The following AP1B1 variants were observed in gnomAD, a reference collection of about 807,000 sequenced individuals.
AP1B1 encodes the protein AP-1 complex subunit beta-1.
In AP1B1, 36 loss-of-function variants were observed where a neutral mutation model predicts 104.3. The ratio of observed to expected loss-of-function variants is 0.35; its 90% CI spans 0.26 to 0.46. AP1B1 has a LOEUF of 0.46. AP1B1 is among the 20% of genes least tolerant of loss of function. AP1B1 has a pLI of 1.00. For synonymous variants in AP1B1, 504 were observed against 517.5 expected (o/e 0.97, Z 0.35); for missense variants, 901 against 1,247.9 (o/e 0.72, Z 4.19).
At chr22:29,374,174 C>A (rs1167619228) in intron 1 of AP1B1, among the ~76,000 whole-genome samples, 1 of 152,042 alleles carries the variant, frequency 6.6e-6, no homozygotes, top group Non-Finnish European at 1.5e-5. Context: ...TGCACTCCAG[C>A]CTGGGCAACA....
chr22:29,341,395 A>G, intron 13 of AP1B1, 106 bp downstream of exon 13: 1 of 1,422,754 alleles, frequency 7.0e-7, no homozygotes, highest in Non-Finnish European at 9.5e-7. Flanking sequence ...AGTTTTCCTC[A>G]GACTCAGGTC....
chr22:29,331,953 A>C, intron 17 of AP1B1, 37 bp from the exon 18 acceptor site: 4 of 1,583,564 alleles, frequency 2.5e-6, no homozygotes, highest in Non-Finnish European at 3.4e-6. Context: ...TGGCAGGGGG[A>C]GTAGGTGCTG....
chr22:29,376,886 C>A (rs1177785573), intron 1 of AP1B1, among the ~76,000 whole-genome samples: 1 of 152,134 alleles, frequency 6.6e-6, no homozygotes, highest in African/African-American at 2.4e-5. Context: ...CCTCATTTGT[C>A]TGACAATCTC....
intron 10 of AP1B1, 102 bp downstream of exon 10, chr22:29,349,933 C>A: frequency 1.1e-6 from 1 of 935,512 alleles, no homozygotes. Flanking sequence ...ACGCTTGTGG[C>A]CAAGAAGTAA....
chr22:29,334,526 A>C, intron 16 of AP1B1, 116 bp from the exon 17 acceptor site: 1 of 1,169,126 alleles, frequency 8.6e-7, no homozygotes, highest in Non-Finnish European at 1.2e-6. Flanking sequence ...TCCCAGATCC[A>C]GCACCCCCAC....
rs1164623051 is a variant in AP1B1, at chr22:29,383,658, G to A, written c.-28+4766C>T. Among the ~76,000 whole-genome samples, 12 of 140,672 alleles carry A rather than the reference G, an allele frequency of 8.5e-5. No individual in the cohort carries two copies. The Admixed American group carries it at 9.1e-4, about 11-fold the overall frequency. The allele number at this position is 140,672 out of a possible 152,430, so 92.3% of individuals were successfully genotyped here. On this transcript the variant is annotated intron_variant, in intron 1 of 22. Coordinates refer to ENST00000357586, the MANE Select transcript of AP1B1 (RefSeq NM_001127.4). ...TGGGAGGCAGAGCTTGCAGTGAGCC[G>A]AGATCACGCCACTGCACTCCAGACT...
In AP1B1 at chr22:29,359,752, G is replaced by A. The variant is rs556043481; in HGVS notation, c.279+72C>T. The A allele has an allele frequency of 6.2e-4, 953 of 1,542,198 alleles. 15 individuals carry two copies. The South Asian group carries it at 0.011, about 18-fold the overall frequency. On this transcript the variant is annotated intron_variant, in intron 4 of 22. Coordinates refer to ENST00000357586, the MANE Select transcript of AP1B1 (RefSeq NM_001127.4). The stretch of plus-strand genomic sequence containing the variant: ...ACTCCATCCAGTGCCACAGGGCCCC[G>A]CCCCAAAGAGACTGAGGGGAGACAG...
intron 6 of AP1B1, 65 bp from the exon 7 acceptor site, chr22:29,354,936 A>G: frequency 6.9e-7 from 1 of 1,447,962 alleles, no homozygotes. Context: ...GTTTTTAGTT[A>G]CCAAAATAGC....
intron 11 of AP1B1, among the ~76,000 whole-genome samples, chr22:29,344,354 C>T (rs984589588): frequency 1.3e-5 from 2 of 151,944 alleles, no homozygotes; most frequent in Non-Finnish European, 2.9e-5. Flanking sequence ...CCTGGCTCAA[C>T]AATCCGTTCC....
rs2061501630 is a variant in AP1B1, at chr22:29,327,807, G to A, written c.*1014C>T. 6.6e-6 allele frequency: 1 copy of A among 152,144 alleles called. No homozygotes were observed. The highest frequency in any genetic ancestry group is 2.1e-4 in the South Asian group (1 of 4,828). 9.4% of individuals were successfully genotyped at this position (152,144 alleles called of 1,614,324 possible). On this transcript the variant is annotated 3_prime_UTR_variant, in exon 23 of 23. Transcript: ENST00000357586. The stretch of plus-strand genomic sequence containing the variant: ...AGAAAACCATCCCCAACCACTCGGA[G>A]GCAGCTTTCAATCCTGACATTCGGT...
chr22:29,351,645 C>CTGG lies in AP1B1; in HGVS notation c.1059+57_1059+59dup, dbSNP rs1326384728. ...GGTCACCTGGGCCAGAGCCTACAGT[C>CTGG]TGGTGGTGGTGGAATGGTCCCACAC... On this transcript the variant is annotated intron_variant, in intron 8 of 22. Coordinates refer to ENST00000357586, the MANE Select transcript of AP1B1 (RefSeq NM_001127.4). 1.9e-6 allele frequency: 3 copies of CTGG among 1,596,868 alleles called. No individual in the cohort carries two copies. In the African/African-American group the frequency reaches 4.0e-5, roughly 21 times the overall value.
At chr22:29,360,191 A>G (rs1050337836) in intron 3 of AP1B1, among the ~76,000 whole-genome samples, 54 of 152,328 alleles carry the variant, frequency 3.5e-4, no homozygotes, top group African/African-American at 1.3e-3. Flanking sequence ...GATTCTTTTC[A>G]TATAGTTCAA....
At chr22:29,367,524 T>C (rs1483007907) in intron 1 of AP1B1, among the ~76,000 whole-genome samples, 12 of 149,432 alleles carry the variant, frequency 8.0e-5, no homozygotes, top group African/African-American at 2.7e-4. Context: ...GGTCTCAAAC[T>C]CCTGGGCTCA....
At chr22:29,366,531 G>A (rs1014440719) in intron 2 of AP1B1, among the ~76,000 whole-genome samples, 2 of 152,148 alleles carry the variant, frequency 1.3e-5, no homozygotes, top group African/African-American at 4.8e-5. Context: ...GGGAGGCTGA[G>A]GCAGGAGTAT....
Position 29,350,101 on chromosome 22 carries a change from T to C in AP1B1, c.1205A>G (p.Lys402Arg), listed in dbSNP as rs1309681090. The change falls in exon 10 of 23, where the codon AAG (lysine) becomes AGG (arginine). Residue 402 changes from lysine (K) to arginine (R), a missense_variant. This residue lies in a region of AP1B1 where 471 missense variants were observed against 696.7 expected (regional missense o/e 0.68). Coordinates refer to ENST00000357586, the MANE Select transcript of AP1B1 (RefSeq NM_001127.4). Reference sequence around the variant, plus strand: ...GGCCTCCTGGACCACATAGTTGACCTTGGTCTGGATGAGGTCGAGCAGCGT... The same window carrying C: ...GGCCTCCTGGACCACATAGTTGACCCTGGTCTGGATGAGGTCGAGCAGCGT... The part of the protein sequence containing the change: ...VSTLLDLIQT[K>R]VNYVVQEAIV... The C allele has an allele frequency of 4.3e-6, 7 of 1,614,166 alleles. No homozygotes were observed. The highest frequency in any genetic ancestry group is 4.2e-6 in the Non-Finnish European group (5 of 1,180,006).
At position 29,388,531 on chromosome 22, in the gene AP1B1, C is replaced by G. The variant is rs976423531; in HGVS notation, c.-135G>C. 3.3e-5 allele frequency: 5 copies of G among 152,264 alleles called. No individual in the cohort carries two copies. Among genetic ancestry groups the G allele is most frequent in the Non-Finnish European group, 7.3e-5 (5 of 68,088 alleles). 9.4% of individuals were successfully genotyped at this position (152,264 alleles called of 1,614,324 possible). A position where few individuals can be genotyped will look rare whatever the true frequency, so the allele number is the denominator to read the frequency against. On this transcript the variant is annotated 5_prime_UTR_variant, in exon 1 of 23. Coordinates refer to ENST00000357586, the MANE Select transcript of AP1B1 (RefSeq NM_001127.4). ...CGGTGCGTCCGGGCTGCCGGCGGCT[C>G]GGAGCCCCGCGGCTGTCACCTGCCG...
Position 29,372,395 on chromosome 22 carries a change from G to A in AP1B1, c.-27-5125C>T, listed in dbSNP as rs188141507. Among the ~76,000 whole-genome samples, 46 of 146,110 alleles carry A rather than the reference G, an allele frequency of 3.1e-4. No individual in the cohort carries two copies. The East Asian group carries it at 7.8e-3, about 25-fold the overall frequency. On this transcript the variant is annotated intron_variant, in intron 1 of 22. Coordinates refer to ENST00000357586, the MANE Select transcript of AP1B1 (RefSeq NM_001127.4). ...GGTGAGATCGCAGCATTGCACTCCA[G>A]CCTGCGCAACAAGAACGAAACTGGG...
At chr22:29,355,250 A>T (rs1019873657) in intron 6 of AP1B1, among the ~76,000 whole-genome samples, 139 of 152,026 alleles carry the variant, frequency 9.1e-4, no homozygotes, top group Middle Eastern at 3.4e-3. Flanking sequence ...AAAAAAAAAA[A>T]TAGCATGTTC....
chr22:29,340,888 T>A, intron 13 of AP1B1, 31 bp from the exon 14 acceptor site: 1 of 1,558,122 alleles, frequency 6.4e-7, no homozygotes, highest in Non-Finnish European at 8.7e-7. Context: ...GGTGGAGGCA[T>A]CAGGATGTCT....
Sources: gnomAD v4.1 joint callset for allele counts (sites outside exome capture counted in the v4.1 genomes callset) on GRCh38, gnomAD v4.1.1 for gene constraint, gnomAD v4.1.1 regional missense constraint, MANE v1.5 for transcripts, NCBI Gene and HGNC (gene_info 2026-07-23, HGNC 2026-07-21) for gene names.